The following CNGB3 variants were observed in gnomAD, a reference collection of about 807,000 sequenced individuals.
CNGB3 encodes cyclic nucleotide gated channel subunit beta 3.
CNGB3 carries 86 observed loss-of-function variants against 92.8 expected under a neutral mutation model. That is an observed-to-expected ratio of 0.93 (90% confidence interval 0.78 to 1.11). The LOEUF (loss-of-function observed/expected upper bound fraction) is 1.11. Ranked by LOEUF, CNGB3 falls within the 50% of genes least tolerant of loss-of-function variation. The pLI is 0.00. For missense variants in CNGB3, 1,026 were observed against 956.8 expected (o/e 1.07, Z -0.95); for synonymous variants, 333 against 332.7 (o/e 1.00, Z -0.01).
At position 86,667,010 on chromosome 8, in the gene CNGB3, G is replaced by A. The variant is rs369083450; in HGVS notation, c.767C>T (p.Ala256Val). 24 of 1,613,738 alleles carry A rather than the reference G, an allele frequency of 1.5e-5. No homozygotes were observed. The highest frequency in any genetic ancestry group is 5.0e-5 in the Admixed American group (3 of 59,964). ...TADNIHYWLI[A>V]DIICDIIYLY... Reference sequence around the variant, plus strand: ...GTAGATGATATCACATATGATGTCCGCAATAAGCCAGTAGTGTATGTTGTC... The same window carrying A: ...GTAGATGATATCACATATGATGTCCACAATAAGCCAGTAGTGTATGTTGTC... The change falls in exon 6 of 18, where the codon GCG becomes GTG. Residue 256 changes from alanine to valine, a missense_variant. Transcript: ENST00000320005.
At chr8:86,637,086 T>C (rs993455548) in intron 10 of CNGB3, among the ~76,000 whole-genome samples, 2 of 152,242 alleles carry the variant, frequency 1.3e-5, no homozygotes, top group Non-Finnish European at 2.9e-5. Context: ...GGAGTGCAGA[T>C]GTCTCTTTGA....
At position 86,668,002 on chromosome 8, in the gene CNGB3, T is replaced by A. The variant is rs779564313; in HGVS notation, c.643+17A>T. On this transcript the variant is annotated intron_variant, in intron 5 of 17. Transcript: ENST00000320005. The stretch of plus-strand genomic sequence containing the variant: ...TAGCCAGCCCTCCCACTATGATAAT[T>A]CACCCTTTGATAATACCTGTGTATG... 10 of 1,613,778 alleles carry A rather than the reference T, an allele frequency of 6.2e-6. No individual in the cohort carries two copies. In the African/African-American group the frequency reaches 1.2e-4, roughly 19 times the overall value.
At chr8:86,591,910 TG>T in intron 15 of CNGB3, among the ~76,000 whole-genome samples, 1 of 152,354 alleles carries the variant, frequency 6.6e-6, no homozygotes, top group South Asian at 2.1e-4. Flanking sequence ...TAAGCAAGCC[TG>T]GGCAATGGCG....
At chr8:86,669,306 TAA>T (rs1305730747) in intron 4 of CNGB3, among the ~76,000 whole-genome samples, 5 of 152,142 alleles carry the variant, frequency 3.3e-5, no homozygotes, top group Admixed American at 2.6e-4. Context: ...TTGTATATCT[TAA>T]AGTATACAAT....
chr8:86,662,716 G>T (rs140845059), intron 6 of CNGB3, among the ~76,000 whole-genome samples: 2 of 152,142 alleles, frequency 1.3e-5, no homozygotes, highest in Non-Finnish European at 2.9e-5. Flanking sequence ...CCTGGAATTC[G>T]AACAGTGGGC....
chr8:86,705,636 GACAGGCT>G (rs1413755795), intron 3 of CNGB3, among the ~76,000 whole-genome samples: 1 of 152,070 alleles, frequency 6.6e-6, no homozygotes. Context: ...AAATACCAAA[GACAGGCT>G]GGATATCAGA....
At chr8:86,675,474 G>A (rs1431241999) in intron 3 of CNGB3, among the ~76,000 whole-genome samples, 2 of 152,062 alleles carry the variant, frequency 1.3e-5, no homozygotes, top group Non-Finnish European at 2.9e-5. Flanking sequence ...GTCTCACTCT[G>A]TCACCATCAT....
chr8:86,661,711 C>G, intron 6 of CNGB3: 1 of 1,394,456 alleles, frequency 7.2e-7, no homozygotes, highest in Admixed American at 1.7e-5. Context: ...TTTTCCCATT[C>G]TGACCCATGG....
chr8:86,678,144 G>A (rs1488106721), intron 3 of CNGB3, among the ~76,000 whole-genome samples: 2 of 152,004 alleles, frequency 1.3e-5, no homozygotes, highest in Non-Finnish European at 2.9e-5. Flanking sequence ...CTTTTGCCAT[G>A]TTTAGGCAAT....
chr8:86,632,865 G>C lies in CNGB3; in HGVS notation c.1207C>G (p.Arg403Gly). The C allele has an allele frequency of 6.2e-7, 1 of 1,612,544 alleles. No individual in the cohort carries two copies. The highest frequency in any genetic ancestry group is 8.5e-7 in the Non-Finnish European group (1 of 1,179,770). The change falls in exon 11 of 18, where the codon CGA (arginine) becomes GGA (glycine). Residue 403 changes from arginine (R) to glycine (G), a missense_variant. Transcript: ENST00000320005. ...AGGCCACCAATGGTAATTAAAGTTC[G>C]AACTGCCCAATAATAACATCTCAGA... is the stretch of plus-strand genomic sequence containing the variant. ...EYLRCYYWAVRTLITIGGLPE... is the reference protein window; with the variant it reads ...EYLRCYYWAVGTLITIGGLPE...
At chr8:86,628,784 T>C (rs1484630255) in intron 12 of CNGB3, 135 bp downstream of exon 12, 10 of 964,258 alleles carry the variant, frequency 1.0e-5, no homozygotes, top group African/African-American at 1.6e-5. Context: ...ACCTGTAGCA[T>C]TAAACGAATG....
At chr8:86,648,007 A>C in intron 7 of CNGB3, 120 bp from the exon 8 acceptor site, 2 of 748,654 alleles carry the variant, frequency 2.7e-6, no homozygotes, top group Non-Finnish European at 5.0e-6. Context: ...TGTTTAATCC[A>C]AAACTGCTTT....
At chr8:86,651,503 A>G (rs926884923) in intron 7 of CNGB3, among the ~76,000 whole-genome samples, 1 of 151,898 alleles carries the variant, frequency 6.6e-6, no homozygotes, top group African/African-American at 2.4e-5. Flanking sequence ...TTAAGTGTAC[A>G]GAACGTAATT....
intron 3 of CNGB3, among the ~76,000 whole-genome samples, chr8:86,706,889 A>G (rs1824661374): frequency 6.6e-6 from 1 of 152,208 alleles, no homozygotes; most frequent in South Asian, 2.1e-4. Context: ...TTGACCTCAA[A>G]TAGCTTAAAA....
chr8:86,577,011 A>G (rs1821673811), intron 17 of CNGB3, among the ~76,000 whole-genome samples: 1 of 152,178 alleles, frequency 6.6e-6, no homozygotes, highest in South Asian at 2.1e-4. Context: ...ACCCATTTCT[A>G]CAGTTTTAGA....
At chr8:86,724,407 C>A (rs1420974547) in intron 3 of CNGB3, among the ~76,000 whole-genome samples, 2 of 152,090 alleles carry the variant, frequency 1.3e-5, no homozygotes, top group Non-Finnish European at 2.9e-5. Flanking sequence ...TGCTCTCCTC[C>A]TGGAGAAGCT....
chr8:86,604,268 G>A (rs762821202), intron 14 of CNGB3, 57 bp from the exon 15 acceptor site: 130 of 1,080,938 alleles, frequency 1.2e-4, no homozygotes, highest in Non-Finnish European at 1.7e-4. Flanking sequence ...TAATTATGCT[G>A]TAAATTAAGA....
intron 6 of CNGB3, among the ~76,000 whole-genome samples, chr8:86,663,360 CTT>C (rs753172801): frequency 2.0e-5 from 3 of 152,300 alleles, no homozygotes; most frequent in South Asian, 4.1e-4. Context: ...ATACAAGAGA[CTT>C]TTTGTTTGAC....
At chr8:86,676,197 A>G (rs1418393850) in intron 3 of CNGB3, among the ~76,000 whole-genome samples, 1 of 152,174 alleles carries the variant, frequency 6.6e-6, no homozygotes, top group African/African-American at 2.4e-5. Flanking sequence ...CTAGTTTAAG[A>G]TGGCTGCTTT....
Sources: allele counts gnomAD v4.1 joint callset (sites outside exome capture counted in the v4.1 genomes callset), GRCh38; gene constraint gnomAD v4.1.1; transcripts MANE v1.5; gene names NCBI Gene and HGNC (gene_info 2026-07-23, HGNC 2026-07-21).